Variants in DNAI7 observed in about 807,000 individuals in gnomAD.
The protein encoded by DNAI7 is cancer susceptibility 1.
In DNAI7, 78 loss-of-function variants were observed where a neutral mutation model predicts 86.6. The observed-to-expected ratio is 0.90, with a 90% CI of 0.75 to 1.09. The LOEUF is 1.09. Ranked by LOEUF, DNAI7 falls within the 50% of genes least tolerant of loss-of-function variation. The pLI is 0.00. For synonymous variants in DNAI7, 274 were observed against 273.0 expected (o/e 1.00, Z -0.04); for missense variants, 753 against 810.2 (o/e 0.93, Z 0.86).
At chr12:25,128,952 C>T (rs1053794216) in intron 9 of DNAI7, among the ~76,000 whole-genome samples, 2 of 152,186 alleles carry the variant, frequency 1.3e-5, no homozygotes, top group Non-Finnish European at 2.9e-5. Flanking sequence ...ACAATAAAAG[C>T]CTAAATTCTC....
intron 2 of DNAI7, among the ~76,000 whole-genome samples, chr12:25,164,868 T>C (rs1947271794): frequency 6.8e-6 from 1 of 147,232 alleles, no homozygotes; most frequent in African/African-American, 2.5e-5. Context: ...CACCCTATAA[T>C]CATTTTATCA....
downstream of DNAI7, chr12:25,108,271 T>TA: frequency 3.5e-6 from 2 of 576,224 alleles, no homozygotes; most frequent in East Asian, 5.7e-5. Context: ...ATGAGCTTTT[T>TA]AAGGAAGAAA....
At position 25,163,485 on chromosome 12, in the gene DNAI7, A is replaced by T. The variant is rs577854071; in HGVS notation, c.22-2288T>A. On this transcript the variant is annotated intron_variant, in intron 2 of 15. Coordinates refer to ENST00000395987, the MANE Select transcript of DNAI7 (RefSeq NM_018272.5). The stretch of plus-strand genomic sequence containing the variant: ...GACGGTGATTTTCCTTTACCTACGC[A>T]AATCTTATAAAACGGCCCTACCCCT... 3.3e-5 allele frequency among the ~76,000 whole-genome samples: 5 copies of T among 152,216 alleles called. 1 individual carries two copies. The highest frequency in any genetic ancestry group is 1.2e-4 in the African/African-American group (5 of 41,538).
At chr12:25,165,730 C>A (rs1346986695) in intron 2 of DNAI7, among the ~76,000 whole-genome samples, 3 of 152,200 alleles carry the variant, frequency 2.0e-5, no homozygotes, top group Admixed American at 2.0e-4. Flanking sequence ...ACGGAGCCTA[C>A]CCATTCCACA....
chr12:25,112,883 CACATGCAGTAGCTAT>C (rs1334151337), intron 13 of DNAI7, among the ~76,000 whole-genome samples: 1 of 152,110 alleles, frequency 6.6e-6, no homozygotes, highest in Non-Finnish European at 1.5e-5. Context: ...TTGGACTAGT[CACATGCAGTAGCTAT>C]ATACGGCTGG....
intron 6 of DNAI7, among the ~76,000 whole-genome samples, chr12:25,153,818 C>T (rs1040882466): frequency 4.6e-5 from 7 of 151,212 alleles, no homozygotes; most frequent in Non-Finnish European, 1.0e-4. Context: ...AGTTTTTTTT[C>T]CCCCAGTATT....
chr12:25,108,922 A>G (rs1949517929), intron 15 of DNAI7, 99 bp from the exon 16 acceptor site: 2 of 726,616 alleles, frequency 2.8e-6, no homozygotes, highest in Non-Finnish European at 4.2e-6. Flanking sequence ...TTATCCCCCA[A>G]AATTGCAAAG....
At chr12:25,112,123 T>A (rs1403444741) in intron 13 of DNAI7, among the ~76,000 whole-genome samples, 184 bp from the exon 14 acceptor site, 1 of 152,194 alleles carries the variant, frequency 6.6e-6, no homozygotes, top group African/African-American at 2.4e-5. Context: ...GTCCCCATGT[T>A]ATGTTAAGCA....
chr12:25,172,893 T>C (rs1341480167), intron 2 of DNAI7, among the ~76,000 whole-genome samples: 1 of 152,106 alleles, frequency 6.6e-6, no homozygotes, highest in East Asian at 1.9e-4. Flanking sequence ...GATAATTGGC[T>C]AGCTACATGT....
intron 13 of DNAI7, among the ~76,000 whole-genome samples, chr12:25,112,506 A>C (rs1236901586): frequency 7.0e-6 from 1 of 143,514 alleles, no homozygotes; most frequent in Admixed American, 7.5e-5. Context: ...TCCCAGGTTC[A>C]CACCATTCTC....
At chr12:25,179,798 A>T (rs1305990646) in intron 2 of DNAI7, among the ~76,000 whole-genome samples, 1 of 152,100 alleles carries the variant, frequency 6.6e-6, no homozygotes, top group Non-Finnish European at 1.5e-5. Context: ...TCAAACTAGT[A>T]AGAACCATCT....
At position 25,165,955 on chromosome 12, in the gene DNAI7, T is replaced by G. The variant is rs540088697; in HGVS notation, c.22-4758A>C. On this transcript the variant is annotated intron_variant, in intron 2 of 15. Transcript: ENST00000395987. ...TCTGCTTCCCTGCCTATTCCTGGGC[T>G]ACAGCCACACCTCAATGCCGCCTTT... is the stretch of plus-strand genomic sequence containing the variant. 2.0e-5 allele frequency among the ~76,000 whole-genome samples: 3 copies of G among 152,252 alleles called. No homozygotes were observed. In the East Asian group the frequency reaches 5.8e-4, roughly 29 times the overall value.
intron 9 of DNAI7, among the ~76,000 whole-genome samples, chr12:25,125,585 T>C (rs1230429006): frequency 6.6e-6 from 1 of 152,200 alleles, no homozygotes; most frequent in Admixed American, 6.5e-5. Context: ...GATAGTTTCT[T>C]TTGCTGTGCA....
intron 12 of DNAI7, among the ~76,000 whole-genome samples, chr12:25,118,442 T>C (rs1227528208): frequency 6.6e-6 from 1 of 151,710 alleles, no homozygotes; most frequent in African/African-American, 2.4e-5. Context: ...TTTCTATTTT[T>C]AGTAGAGATG....
At position 25,112,495 on chromosome 12, in the gene DNAI7, C is replaced by T. The variant is rs374895924; in HGVS notation, c.1612-556G>A. Among the ~76,000 whole-genome samples the T allele has an allele frequency of 2.6e-3, 386 of 148,874 alleles. 2 individuals are homozygous for T. The highest frequency in any genetic ancestry group is 8.5e-3 in the African/African-American group (341 of 39,972). Reference sequence around the variant, plus strand: ...GATCTTGGCTCACTGCAAGCTCTGCCTCCCAGGTTCACACCATTCTCCTGC... The same window carrying T: ...GATCTTGGCTCACTGCAAGCTCTGCTTCCCAGGTTCACACCATTCTCCTGC... On this transcript the variant is annotated intron_variant, in intron 13 of 15. Transcript: ENST00000395987.
intron 1 of DNAI7, among the ~76,000 whole-genome samples, chr12:25,193,140 T>C (rs1196286717): frequency 6.7e-6 from 1 of 148,508 alleles, no homozygotes; most frequent in Non-Finnish European, 1.5e-5. Flanking sequence ...AGCGAGACAG[T>C]CTCAAAAAGA....
chr12:25,186,125 C>T (rs1950013567), intron 2 of DNAI7, among the ~76,000 whole-genome samples: 1 of 152,064 alleles, frequency 6.6e-6, no homozygotes, highest in Admixed American at 6.5e-5. Context: ...TTCATGTATT[C>T]TGTGAAGTAC....
At position 25,174,508 on chromosome 12, in the gene DNAI7, G is replaced by T. The variant is rs1948644059; in HGVS notation, c.22-13311C>A. 2.9e-5 allele frequency among the ~76,000 whole-genome samples: 2 copies of T among 69,448 alleles called. 1 individual carries two copies. The highest frequency in any genetic ancestry group is 3.5e-4 in the Admixed American group (2 of 5,670). The allele number at this position is 69,448 out of a possible 152,430, so 45.6% of individuals were successfully genotyped here. On this transcript the variant is annotated intron_variant, in intron 2 of 15. Transcript: ENST00000395987. Reference sequence around the variant, plus strand: ...ATATATCATATATCCCATATATATGGGATATATATATCATATATATCATAT... The same window carrying T: ...ATATATCATATATCCCATATATATGTGATATATATATCATATATATCATAT...
chr12:25,181,937 A>G (rs1192490192), intron 2 of DNAI7, among the ~76,000 whole-genome samples: 1 of 152,210 alleles, frequency 6.6e-6, no homozygotes, highest in African/African-American at 2.4e-5. Flanking sequence ...TTCAACCCCT[A>G]TTGAAAACAA....
Sources: gnomAD v4.1 joint callset for allele counts (sites outside exome capture counted in the v4.1 genomes callset) on GRCh38, gnomAD v4.1.1 for gene constraint, MANE v1.5 for transcripts, NCBI Gene and HGNC (gene_info 2026-07-23, HGNC 2026-07-21) for gene names.